RIMS2: variants seen among roughly 807,000 people sequenced by gnomAD.
RIMS2 encodes regulating synaptic membrane exocytosis 2.
RIMS2 carries 59 observed loss-of-function variants against 174.4 expected under a neutral mutation model. That is an observed-to-expected ratio of 0.34 (90% CI 0.27 to 0.42). RIMS2 has a LOEUF of 0.42. Among genes scored for constraint, RIMS2 ranks in the 10% least tolerant of loss-of-function variants. The pLI is 1.00. For synonymous variants in RIMS2, 606 were observed against 572.5 expected (o/e 1.06, Z -0.84); for missense variants, 1,620 against 1,666.3 (o/e 0.97, Z 0.48).
intron 1 of RIMS2, among the ~76,000 whole-genome samples, chr8:103,550,112 G>C (rs917585080): frequency 6.6e-6 from 1 of 152,114 alleles, no homozygotes; most frequent in Non-Finnish European, 1.5e-5. Context: ...AGACCTAATA[G>C]ACATCTACAG....
chr8:104,149,005 A>G (rs991203032), intron 19 of RIMS2, among the ~76,000 whole-genome samples, 157 bp downstream of exon 25: 2 of 152,200 alleles, frequency 1.3e-5, no homozygotes, highest in Non-Finnish European at 2.9e-5. Context: ...GAAATCAACA[A>G]TGATGTTTTT....
intron 11 of RIMS2, among the ~76,000 whole-genome samples, chr8:103,930,835 T>A (rs2079779388): frequency 6.6e-6 from 1 of 152,164 alleles, no homozygotes; most frequent in Non-Finnish European, 1.5e-5. Context: ...TACTTAAAAA[T>A]TCCCTATGAA....
chr8:103,764,649 A>G (rs1044129871), intron 2 of RIMS2, among the ~76,000 whole-genome samples: 4 of 152,164 alleles, frequency 2.6e-5, no homozygotes, highest in Non-Finnish European at 5.9e-5. Flanking sequence ...ACATCAAAAT[A>G]CTTATAAAAA....
At chr8:104,159,070 G>A (rs921927115) in intron 19 of RIMS2, among the ~76,000 whole-genome samples, 3 of 152,092 alleles carry the variant, frequency 2.0e-5, no homozygotes, top group Admixed American at 6.5e-5. Flanking sequence ...GTTAATTTTT[G>A]TATAAGGTGT....
intron 19 of RIMS2, among the ~76,000 whole-genome samples, chr8:104,172,785 G>A (rs976171426): frequency 6.6e-6 from 1 of 152,134 alleles, no homozygotes; most frequent in Non-Finnish European, 1.5e-5. Flanking sequence ...GACTAAGTGT[G>A]GAAATAGATT....
At chr8:104,009,466 T>TTTTTA (rs1202417207) in intron 17 of RIMS2, among the ~76,000 whole-genome samples, 1 of 151,962 alleles carries the variant, frequency 6.6e-6, no homozygotes, top group Non-Finnish European at 1.5e-5. Context: ...CTATTTTTTA[T>TTTTTA]TTTTATTTTT....
chr8:104,131,802 A>AG (rs1173931052), intron 19 of RIMS2, among the ~76,000 whole-genome samples: 9 of 152,180 alleles, frequency 5.9e-5, no homozygotes, highest in Non-Finnish European at 1.0e-4. Context: ...GCAGGAACTG[A>AG]GGATTGGGGT....
At chr8:103,615,222 C>A (rs1198902646) in intron 1 of RIMS2, among the ~76,000 whole-genome samples, 2 of 152,112 alleles carry the variant, frequency 1.3e-5, no homozygotes, top group Non-Finnish European at 2.9e-5. Flanking sequence ...GAAGTCAAGA[C>A]TATGAAAATC....
intron 19 of RIMS2, among the ~76,000 whole-genome samples, chr8:104,162,804 GA>G (rs1394832988): frequency 2.0e-5 from 3 of 152,094 alleles, no homozygotes; most frequent in Admixed American, 2.0e-4. Flanking sequence ...ATACATACAA[GA>G]AAAAGAAGTC....
At chr8:104,055,478 A>G (rs1370150820) in intron 19 of RIMS2, among the ~76,000 whole-genome samples, 1 of 152,190 alleles carries the variant, frequency 6.6e-6, no homozygotes, top group Non-Finnish European at 1.5e-5. Context: ...TAGTCAATTA[A>G]CACAATGAAT....
At chr8:103,770,154 C>T (rs1008136232) in intron 3 of RIMS2, among the ~76,000 whole-genome samples, 1 of 152,176 alleles carries the variant, frequency 6.6e-6, no homozygotes, top group Non-Finnish European at 1.5e-5. Flanking sequence ...ATTTGACTTG[C>T]CACTTGGTTT....
intron 1 of RIMS2, among the ~76,000 whole-genome samples, chr8:103,544,097 G>T (rs1314927476): frequency 2.6e-5 from 4 of 152,202 alleles, no homozygotes; most frequent in Non-Finnish European, 5.9e-5. Context: ...AATATATTAG[G>T]AAGTCAAACA....
chr8:104,132,807 G>A (rs538403640), intron 19 of RIMS2, among the ~76,000 whole-genome samples: 2 of 152,212 alleles, frequency 1.3e-5, no homozygotes, highest in African/African-American at 4.8e-5. Flanking sequence ...ATTTTTTCAC[G>A]TGGCATGTAG....
chr8:104,002,076 G>A (rs534133405), intron 17 of RIMS2, among the ~76,000 whole-genome samples: 159 of 151,982 alleles, frequency 1.0e-3, no homozygotes, highest in Non-Finnish European at 1.5e-3. Flanking sequence ...TTCTACTTTG[G>A]TCGGTCACTC....
At chr8:104,173,041 T>C (rs753579955) in intron 19 of RIMS2, among the ~76,000 whole-genome samples, 30 of 152,210 alleles carry the variant, frequency 2.0e-4, no homozygotes, top group Non-Finnish European at 4.0e-4. Context: ...TGTCCATACA[T>C]TTGCTATCTA....
At chr8:103,618,616 C>T (rs1449191012) in intron 1 of RIMS2, among the ~76,000 whole-genome samples, 2 of 152,088 alleles carry the variant, frequency 1.3e-5, no homozygotes, top group African/African-American at 4.8e-5. Flanking sequence ...CTATCCATCC[C>T]ATTTCCCACC....
At chr8:103,864,712 A>G (rs530480311) in intron 3 of RIMS2, among the ~76,000 whole-genome samples, 14 of 152,208 alleles carry the variant, frequency 9.2e-5, no homozygotes, top group Non-Finnish European at 1.5e-5. Flanking sequence ...AATTATTCTT[A>G]AGAAAATTAA....
chr8:104,200,332 G>T (rs1186606876), intron 19 of RIMS2, among the ~76,000 whole-genome samples: 2 of 152,166 alleles, frequency 1.3e-5, no homozygotes, highest in African/African-American at 2.4e-5. Context: ...TGTCCTATCA[G>T]TTCACTTAAG....
At chr8:103,968,865 A>T (rs918425211) in intron 15 of RIMS2, among the ~76,000 whole-genome samples, 13 of 152,234 alleles carry the variant, frequency 8.5e-5, no homozygotes, top group Non-Finnish European at 5.9e-5. Flanking sequence ...TTCTAAAAAA[A>T]AATTACTTTA....
Sources: allele counts gnomAD v4.1 joint callset (sites outside exome capture counted in the v4.1 genomes callset), GRCh38; gene constraint gnomAD v4.1.1; transcripts MANE v1.5; gene names NCBI Gene and HGNC (gene_info 2026-07-23, HGNC 2026-07-21).